Variants in CAMTA1 observed in about 807,000 individuals in gnomAD.
The protein encoded by CAMTA1 is calmodulin-binding transcription activator 1.
In CAMTA1, 27 loss-of-function variants were observed where a neutral mutation model predicts 170.9. The observed-to-expected ratio is 0.16, with a 90% CI of 0.12 to 0.22. CAMTA1 has a LOEUF of 0.22. Among genes scored for constraint, CAMTA1 ranks in the 10% least tolerant of loss-of-function variants. The probability of loss-of-function intolerance (pLI) is 1.00; values close to 1 mark genes in which losing one functional copy is unlikely to be tolerated. For missense variants in CAMTA1, 1,619 were observed against 2,217.2 expected (o/e 0.73, Z 5.42); for synonymous variants, 833 against 891.5 (o/e 0.93, Z 1.17).
chr1:7,112,696 C>T (rs1048102379), intron 4 of CAMTA1, among the ~76,000 whole-genome samples: 5 of 152,242 alleles, frequency 3.3e-5, no homozygotes, highest in Non-Finnish European at 5.9e-5. Context: ...TCAGACTTGC[C>T]ATTGAACACA....
At chr1:7,452,735 A>G (rs2092856717) in intron 5 of CAMTA1, among the ~76,000 whole-genome samples, 1 of 152,170 alleles carries the variant, frequency 6.6e-6, no homozygotes, top group Admixed American at 6.5e-5. Context: ...GTTCCATTGT[A>G]TGGCGAGCCC....
chr1:7,056,442 G>A (rs575744561), intron 3 of CAMTA1, among the ~76,000 whole-genome samples: 9 of 152,292 alleles, frequency 5.9e-5, no homozygotes, highest in South Asian at 2.1e-4. Flanking sequence ...CCTGAGAGGC[G>A]TTTTGGAGTA....
chr1:7,498,230 G>C (rs1460907347), intron 6 of CAMTA1, among the ~76,000 whole-genome samples: 3 of 150,602 alleles, frequency 2.0e-5, no homozygotes, highest in East Asian at 2.0e-4. Context: ...GTGTGTATGA[G>C]AGTGAGTGTG....
At chr1:6,987,928 T>G (rs1411365536) in intron 3 of CAMTA1, among the ~76,000 whole-genome samples, 3 of 152,142 alleles carry the variant, frequency 2.0e-5, no homozygotes, top group African/African-American at 7.2e-5. Context: ...GTCTGTCATC[T>G]TTGATCTCCT....
intron 18 of CAMTA1, among the ~76,000 whole-genome samples, chr1:7,746,358 A>C (rs1247398983): frequency 6.6e-6 from 1 of 152,186 alleles, no homozygotes; most frequent in Admixed American, 6.5e-5. Flanking sequence ...GGGGGCATTA[A>C]GTATATTCAC....
In CAMTA1 at chr1:7,286,750, C is replaced by A. The variant is rs1672401990; in HGVS notation, c.438+37124C>A. On this transcript the variant is annotated intron_variant, in intron 5 of 22. Coordinates refer to ENST00000303635, the MANE Select transcript of CAMTA1 (RefSeq NM_015215.4). The surrounding 1 kb of genome is among the most constrained non-coding windows in gnomAD (Gnocchi z 4.2). ...GTCAACAAGTTAGAGATTTGGGGAG[C>A]TATTGAGGCTGAGTGGAAAGAGTGA... Among the ~76,000 whole-genome samples, 1 of 152,134 alleles carries A rather than the reference C, an allele frequency of 6.6e-6. No homozygotes were observed. Among genetic ancestry groups the A allele is most frequent in the Non-Finnish European group, 1.5e-5 (1 of 68,036 alleles).
intron 22 of CAMTA1, among the ~76,000 whole-genome samples, chr1:7,765,385 GA>G (rs1198443548): frequency 1.3e-5 from 2 of 152,216 alleles, no homozygotes; most frequent in African/African-American, 4.8e-5. Flanking sequence ...AAAAATTACA[GA>G]TTGGCAGTGA....
At chr1:7,423,237 G>A (rs1453688499) in intron 5 of CAMTA1, among the ~76,000 whole-genome samples, 1 of 152,146 alleles carries the variant, frequency 6.6e-6, no homozygotes, top group Non-Finnish European at 1.5e-5. Context: ...TTGGGAGGCC[G>A]AGGCAGGTGG....
chr1:7,443,945 G>A lies in CAMTA1; in HGVS notation c.439-23885G>A, dbSNP rs2092615676. On this transcript the variant is annotated intron_variant, in intron 5 of 22. Coordinates refer to ENST00000303635, the MANE Select transcript of CAMTA1 (RefSeq NM_015215.4). The surrounding 1 kb of genome is among the most constrained non-coding windows in gnomAD (Gnocchi z 4.1). The stretch of plus-strand genomic sequence containing the variant: ...GAAATGCCATCCCCAGTCTTGTTGG[G>A]CTCAGACATTGTGATCCGTCGGTGA... Among the ~76,000 whole-genome samples the A allele has an allele frequency of 6.6e-6, 1 of 151,606 alleles. No homozygotes were observed. The highest frequency in any genetic ancestry group is 1.9e-4 in the East Asian group (1 of 5,164).
intron 3 of CAMTA1, among the ~76,000 whole-genome samples, chr1:6,857,878 G>A (rs1344470110): frequency 6.6e-6 from 1 of 152,154 alleles, no homozygotes; most frequent in Non-Finnish European, 1.5e-5. Flanking sequence ...GAGGTGGGAC[G>A]GCCAGAAGGA....
intron 4 of CAMTA1, among the ~76,000 whole-genome samples, chr1:7,186,455 G>T (rs1352308222): frequency 1.3e-5 from 2 of 152,300 alleles, no homozygotes; most frequent in Middle Eastern, 3.4e-3. Flanking sequence ...GGCCTTGAGG[G>T]TATGTGTGAT....
Position 7,236,209 on chromosome 1 carries a change from C to T in CAMTA1, c.303-13282C>T, listed in dbSNP as rs115120834. 3.8e-3 allele frequency among the ~76,000 whole-genome samples: 577 copies of T among 152,302 alleles called. 5 individuals are homozygous for T. The highest frequency in any genetic ancestry group is 0.013 in the African/African-American group (537 of 41,560). The stretch of plus-strand genomic sequence containing the variant: ...CTTCCTGTGAGATTCGGGCTGTCGC[C>T]GTGGCTTCTTGAGGTTCCATGTGGC... On this transcript the variant is annotated intron_variant, in intron 4 of 22. Transcript: ENST00000303635.
At chr1:7,372,755 T>A (rs1276125666) in intron 5 of CAMTA1, among the ~76,000 whole-genome samples, 1 of 152,172 alleles carries the variant, frequency 6.6e-6, no homozygotes, top group African/African-American at 2.4e-5. Context: ...CGCACAGAAG[T>A]GATGCACAGA....
chr1:7,681,758 C>G lies in CAMTA1; in HGVS notation c.2914+4025C>G, dbSNP rs947412. Among the ~76,000 whole-genome samples the G allele has an allele frequency of 0.46, 68,770 of 150,266 alleles. 15,578 individuals carry two copies. The highest frequency in any genetic ancestry group is 0.65 in the East Asian group (3,275 of 5,050). On this transcript the variant is annotated intron_variant, in intron 11 of 22. Coordinates refer to ENST00000303635, the MANE Select transcript of CAMTA1 (RefSeq NM_015215.4). This position sits in a 1 kb window ranked among gnomAD's most constrained non-coding sequence, Gnocchi z 4.6. ...AGGATGCTGTCTGTGTAGATTTGGC[C>G]TCGCCTGTGCCTGTGTTTACAAAGA...
At chr1:7,377,567 T>A (rs1316801134) in intron 5 of CAMTA1, among the ~76,000 whole-genome samples, 1 of 152,246 alleles carries the variant, frequency 6.6e-6, no homozygotes, top group East Asian at 1.9e-4. Context: ...TCTGACCTCC[T>A]GAACCAATCA....
At chr1:7,081,986 C>G (rs918774283) in intron 3 of CAMTA1, among the ~76,000 whole-genome samples, 11 of 152,208 alleles carry the variant, frequency 7.2e-5, no homozygotes, top group Admixed American at 6.5e-5. Context: ...TGGTTTCAAG[C>G]CCCATTTACC....
At chr1:6,821,114 A>G (rs751012019) in intron 2 of CAMTA1, among the ~76,000 whole-genome samples, 1 of 152,208 alleles carries the variant, frequency 6.6e-6, no homozygotes, top group Non-Finnish European at 1.5e-5. Flanking sequence ...ACACAACTCT[A>G]AGAACAAGAA....
chr1:6,851,180 G>A (rs758245443), intron 3 of CAMTA1, among the ~76,000 whole-genome samples: 2 of 152,162 alleles, frequency 1.3e-5, no homozygotes, highest in Admixed American at 6.5e-5. Context: ...AAGGTATGTA[G>A]TATGTTTACG....
chr1:7,208,876 C>T (rs1044273401), intron 4 of CAMTA1, among the ~76,000 whole-genome samples: 4 of 152,306 alleles, frequency 2.6e-5, no homozygotes, highest in Admixed American at 2.6e-4. Context: ...TTGACTAGAT[C>T]AGCACTTGAG....
Sources: gnomAD v4.1 joint callset for allele counts (sites outside exome capture counted in the v4.1 genomes callset) on GRCh38, gnomAD v4.1.1 for gene constraint, Gnocchi (gnomAD v3.1) non-coding constraint, MANE v1.5 for transcripts, NCBI Gene and HGNC (gene_info 2026-07-23, HGNC 2026-07-21) for gene names.